Variants in LOC400499 observed in about 807,000 individuals in gnomAD.
the LOC400499 span, chr16:11,518,899 C>T: frequency 2.5e-6 from 1 of 399,046 alleles, no homozygotes; most frequent in Non-Finnish European, 4.4e-6. Flanking sequence ...AAGTGTCTTA[C>T]CTCAGGCTCT....
the LOC400499 span, chr16:11,385,499 C>G: frequency 4.1e-6 from 4 of 984,108 alleles, no homozygotes; most frequent in Non-Finnish European, 5.3e-6. Context: ...CTGGGTGCCC[C>G]GGATGCCTAG....
At chr16:11,380,347 C>G in the LOC400499 span, among the ~76,000 whole-genome samples, 2 of 151,714 alleles carry the variant, frequency 1.3e-5, no homozygotes, top group African/African-American at 2.4e-5. Flanking sequence ...TGGCCGGACA[C>G]AAGGCGGGCA....
At chr16:11,484,809 T>G in the LOC400499 span, 1 of 398,260 alleles carries the variant, frequency 2.5e-6, no homozygotes, top group Non-Finnish European at 4.4e-6. Context: ...AGTCTCAGGT[T>G]CAAAAGTCCA....
chr16:11,449,152 T>G, the LOC400499 span: 13 of 1,352,538 alleles, frequency 9.6e-6, no homozygotes, highest in Non-Finnish European at 1.3e-5. Flanking sequence ...GCACACCCTA[T>G]TTCCTCCACC....
chr16:11,479,237 T>G, the LOC400499 span, among the ~76,000 whole-genome samples: 1 of 152,212 alleles, frequency 6.6e-6, no homozygotes, highest in African/African-American at 2.4e-5. Context: ...TTTCTCTGAC[T>G]TGCACAGTAG....
the LOC400499 span, chr16:11,514,563 C>T: frequency 2.5e-5 from 10 of 399,710 alleles, no homozygotes; most frequent in African/African-American, 1.2e-4. Flanking sequence ...GGGGAAGGGA[C>T]AGCTCAGGCC....
At chr16:11,391,981 C>T in the LOC400499 span, 2 of 431,842 alleles carry the variant, frequency 4.6e-6, no homozygotes, top group Non-Finnish European at 3.9e-6. Context: ...CCAACCTGAG[C>T]CCCCACCCTC....
chr16:11,416,059 G>A, the LOC400499 span, among the ~76,000 whole-genome samples: 1 of 151,684 alleles, frequency 6.6e-6, no homozygotes, highest in African/African-American at 2.4e-5. Flanking sequence ...AGGTTCGAGT[G>A]ATTCTTGTGT....
At chr16:11,389,870 C>T in the LOC400499 span, among the ~76,000 whole-genome samples, 7 of 152,258 alleles carry the variant, frequency 4.6e-5, no homozygotes, top group South Asian at 1.0e-3. Context: ...GGGTCAGCCT[C>T]AGCCACTGCG....
the LOC400499 span, among the ~76,000 whole-genome samples, chr16:11,421,906 C>T: frequency 6.6e-6 from 1 of 152,180 alleles, no homozygotes; most frequent in African/African-American, 2.4e-5. Flanking sequence ...GAGTTGTATA[C>T]TTTAAAACGG....
chr16:11,391,937 TG>T, the LOC400499 span: 1 of 761,270 alleles, frequency 1.3e-6, no homozygotes, highest in Non-Finnish European at 1.8e-6. Context: ...GCCTGGTGAG[TG>T]GGGGCTACAA....
the LOC400499 span, chr16:11,423,134 C>G: frequency 2.5e-6 from 1 of 399,238 alleles, no homozygotes; most frequent in Non-Finnish European, 4.4e-6. Context: ...CTGGAGGGGC[C>G]CACTATGTAC....
the LOC400499 span, among the ~76,000 whole-genome samples, chr16:11,473,632 G>C: frequency 3.3e-5 from 5 of 152,168 alleles, no homozygotes; most frequent in African/African-American, 1.2e-4. Context: ...GCAGGTGCCT[G>C]TAGCCCCAGC....
chr16:11,438,793 G>C, the LOC400499 span, among the ~76,000 whole-genome samples: 5 of 151,736 alleles, frequency 3.3e-5, no homozygotes, highest in African/African-American at 1.2e-4. Flanking sequence ...TGTCTCAAAA[G>C]AAATTTTAAA....
chr16:11,501,138 G>A, the LOC400499 span, among the ~76,000 whole-genome samples: 3 of 152,024 alleles, frequency 2.0e-5, no homozygotes, highest in South Asian at 4.2e-4. Flanking sequence ...GCTGAGGCCC[G>A]TGCTCTCAGC....
chr16:11,471,579 T>C, the LOC400499 span: 1 of 398,890 alleles, frequency 2.5e-6, no homozygotes. Context: ...CCACGTCCTT[T>C]AGGGTGAGCC....
chr16:11,513,179 G>A, the LOC400499 span, among the ~76,000 whole-genome samples: 2 of 152,078 alleles, frequency 1.3e-5, no homozygotes, highest in Admixed American at 6.5e-5. Context: ...CGAGGTGGAA[G>A]GATTATTTGA....
At chr16:11,489,240 G>A in the LOC400499 span, among the ~76,000 whole-genome samples, 22 of 152,232 alleles carry the variant, frequency 1.4e-4, no homozygotes, top group Non-Finnish European at 2.9e-4. Flanking sequence ...AAAATGAGAA[G>A]TCAGACCTGA....
At chr16:11,408,933 C>T in the LOC400499 span, among the ~76,000 whole-genome samples, 3 of 152,028 alleles carry the variant, frequency 2.0e-5, no homozygotes, top group South Asian at 6.2e-4. Context: ...TGTAAAATTA[C>T]TTCAATTTTT....
Sources: allele counts gnomAD v4.1 joint callset (sites outside exome capture counted in the v4.1 genomes callset), GRCh38; gene constraint gnomAD v4.1.1; transcripts MANE v1.5.